Variants in GPM6A observed in about 807,000 individuals in gnomAD.
GPM6A encodes the protein glycoprotein M6A.
GPM6A carries 7 observed loss-of-function variants against 32.1 expected under a neutral mutation model. The observed-to-expected ratio is 0.22, with a 90% CI of 0.12 to 0.41. The LOEUF (loss-of-function observed/expected upper bound fraction) is 0.41, where lower values mean the gene tolerates loss of function less well. Among genes scored for constraint, GPM6A ranks in the 10% least tolerant of loss-of-function variants. The pLI, the probability that GPM6A is intolerant of heterozygous loss-of-function variation, is 1.00. For synonymous variants in GPM6A, 130 were observed against 123.4 expected (o/e 1.05, Z -0.35); for missense variants, 235 against 347.2 (o/e 0.68, Z 2.57).
At chr4:175,824,595 A>G (rs1336484648) in intron 1 of GPM6A, among the ~76,000 whole-genome samples, 1 of 152,052 alleles carries the variant, frequency 6.6e-6, no homozygotes, top group African/African-American at 2.4e-5. Context: ...CATTGTGGTC[A>G]GAAACCACGA....
chr4:175,974,078 C>G (rs1006969866), intron 1 of GPM6A, among the ~76,000 whole-genome samples: 2 of 151,918 alleles, frequency 1.3e-5, no homozygotes, highest in African/African-American at 4.8e-5. Context: ...ACTAAAAATA[C>G]AGAAAACAGC....
intron 1 of GPM6A, among the ~76,000 whole-genome samples, chr4:175,763,601 T>G (rs935860889): frequency 6.6e-6 from 1 of 152,166 alleles, no homozygotes; most frequent in Non-Finnish European, 1.5e-5. Flanking sequence ...AAAAATGCAA[T>G]GATAAAGAAT....
At chr4:175,993,478 T>C (rs1209646964) in intron 1 of GPM6A, among the ~76,000 whole-genome samples, 2 of 152,116 alleles carry the variant, frequency 1.3e-5, no homozygotes, top group Non-Finnish European at 2.9e-5. Context: ...CTTGCCTTAG[T>C]GTTTCTTTCA....
At chr4:175,731,937 C>A (rs1369961359) in intron 1 of GPM6A, among the ~76,000 whole-genome samples, 2 of 150,980 alleles carry the variant, frequency 1.3e-5, no homozygotes, top group African/African-American at 2.4e-5. Flanking sequence ...AGGTAGGGAA[C>A]ACGACTTCCT....
intron 1 of GPM6A, among the ~76,000 whole-genome samples, chr4:175,705,459 C>A (rs557810043): frequency 6.6e-6 from 1 of 152,288 alleles, no homozygotes; most frequent in African/African-American, 2.4e-5. Context: ...TCCTAACTAT[C>A]CCCACTCTTC....
At chr4:175,677,798 C>T (rs1202919986) in intron 2 of GPM6A, among the ~76,000 whole-genome samples, 1 of 151,932 alleles carries the variant, frequency 6.6e-6, no homozygotes, top group South Asian at 2.1e-4. Flanking sequence ...AAGCAAGAGC[C>T]TATATTAAAG....
At chr4:175,646,016 T>C (rs1741444188) in intron 4 of GPM6A, among the ~76,000 whole-genome samples, 1 of 152,144 alleles carries the variant, frequency 6.6e-6, no homozygotes, top group African/African-American at 2.4e-5. Flanking sequence ...TCCTCTATAG[T>C]CCATCTGCCT....
intron 1 of GPM6A, among the ~76,000 whole-genome samples, chr4:175,734,151 TATA>T (rs761391069): frequency 4.9e-5 from 7 of 143,636 alleles, no homozygotes; most frequent in East Asian, 2.3e-4. Context: ...TATATATATA[TATA>T]TATATATTTT....
intron 1 of GPM6A, among the ~76,000 whole-genome samples, chr4:175,862,324 G>A (rs981688237): frequency 3.3e-5 from 5 of 152,098 alleles, no homozygotes; most frequent in South Asian, 2.1e-4. Flanking sequence ...AAGGGTAACC[G>A]TCCCTGTCTT....
At chr4:175,713,376 A>G (rs1437725605) in intron 1 of GPM6A, among the ~76,000 whole-genome samples, 1 of 151,964 alleles carries the variant, frequency 6.6e-6, no homozygotes, top group Non-Finnish European at 1.5e-5. Flanking sequence ...CTAATTTAGT[A>G]GAGACGGGGT....
chr4:175,887,289 A>T (rs1192533069), intron 1 of GPM6A, among the ~76,000 whole-genome samples: 1 of 152,000 alleles, frequency 6.6e-6, no homozygotes, highest in Non-Finnish European at 1.5e-5. Context: ...AAAGGTCATT[A>T]AACACAATTT....
chr4:175,779,629 C>T (rs115525486), intron 1 of GPM6A, among the ~76,000 whole-genome samples: 3,067 of 152,162 alleles, frequency 0.02, 56 homozygotes, highest in Non-Finnish European at 0.031. Flanking sequence ...TCCACGCATC[C>T]CTAGAGGCAA....
chr4:175,770,193 G>T (rs953590455), intron 1 of GPM6A, among the ~76,000 whole-genome samples: 2 of 152,066 alleles, frequency 1.3e-5, no homozygotes, highest in Non-Finnish European at 2.9e-5. Flanking sequence ...CGCCCAGCTA[G>T]TTTTTTGTAC....
intron 1 of GPM6A, among the ~76,000 whole-genome samples, chr4:175,876,258 A>T (rs972179662): frequency 1.3e-5 from 2 of 152,182 alleles, no homozygotes; most frequent in East Asian, 3.9e-4. Context: ...CAGTTTCATG[A>T]AGTAGCTCAT....
At chr4:175,639,363 T>C (rs1201401805) in intron 6 of GPM6A, among the ~76,000 whole-genome samples, 1 of 152,160 alleles carries the variant, frequency 6.6e-6, no homozygotes, top group Non-Finnish European at 1.5e-5. Flanking sequence ...TTAAATAAAT[T>C]CCAATTCATT....
At chr4:175,741,693 C>T (rs931773351) in intron 1 of GPM6A, among the ~76,000 whole-genome samples, 1 of 152,076 alleles carries the variant, frequency 6.6e-6, no homozygotes, top group Non-Finnish European at 1.5e-5. Context: ...ATTCTAGAAT[C>T]TTGCAACCCA....
At chr4:175,660,841 A>T (rs1436907803) in intron 3 of GPM6A, among the ~76,000 whole-genome samples, 1 of 152,178 alleles carries the variant, frequency 6.6e-6, no homozygotes, top group African/African-American at 2.4e-5. Context: ...AATTCTAGCT[A>T]TGGCTATATT....
At position 175,673,765 on chromosome 4, in the gene GPM6A, A is replaced by G. The variant is rs969894285; in HGVS notation, c.302T>C (p.Val101Ala). The G allele has an allele frequency of 6.2e-7, 1 of 1,612,692 alleles. No homozygotes were observed. The highest frequency in any genetic ancestry group is 1.3e-5 in the African/African-American group (1 of 74,904). Reference sequence around the variant, plus strand: ...GGCCCCAGTTGTGAAGAAACCTTCCACCATCAGCAAAATGCCATACACAAA... The same window carrying G: ...GGCCCCAGTTGTGAAGAAACCTTCCGCCATCAGCAAAATGCCATACACAAA... ...AFFVYGILLM[V>A]EGFFTTGAIK... is the part of the protein sequence containing the mutation. The change falls in exon 3 of 7, where the codon GTG becomes GCG. Residue 101 changes from valine (V) to alanine (A), a missense_variant. Physicochemically the swap from Val to Ala is moderately conservative, Grantham distance 64. Transcript: ENST00000393658.
chr4:175,669,130 C>T (rs1054907588), intron 3 of GPM6A, among the ~76,000 whole-genome samples: 6 of 152,090 alleles, frequency 3.9e-5, no homozygotes, highest in Admixed American at 3.9e-4. Flanking sequence ...ATAGTATGGG[C>T]ATATATAAGT....
Sources: allele counts gnomAD v4.1 joint callset (sites outside exome capture counted in the v4.1 genomes callset), GRCh38; gene constraint gnomAD v4.1.1; transcripts MANE v1.5; gene names NCBI Gene and HGNC (gene_info 2026-07-23, HGNC 2026-07-21).